Variants in SLMAP observed in about 807,000 individuals in gnomAD.
The protein encoded by SLMAP is sarcolemma associated protein.
A neutral mutation model predicts 128.8 loss-of-function variants in SLMAP; 44 were observed. The ratio of observed to expected loss-of-function variants is 0.34; its 90% CI spans 0.27 to 0.44. The LOEUF (loss-of-function observed/expected upper bound fraction) is 0.44. Among genes scored for constraint, SLMAP ranks in the 20% least tolerant of loss-of-function variants. The probability of loss-of-function intolerance (pLI) is 1.00; values close to 1 mark genes in which losing one functional copy is unlikely to be tolerated. For synonymous variants in SLMAP, 327 were observed against 348.8 expected (o/e 0.94, Z 0.70); for missense variants, 787 against 985.3 (o/e 0.80, Z 2.69).
chr3:57,895,689 T>A (rs1267224671), intron 15 of SLMAP, among the ~76,000 whole-genome samples: 1 of 151,946 alleles, frequency 6.6e-6, no homozygotes, highest in Non-Finnish European at 1.5e-5. Flanking sequence ...TGCCTGTAAT[T>A]CTAGTGCTTT....
chr3:57,930,006 A>T (rs1376989140), downstream of SLMAP, among the ~76,000 whole-genome samples: 1 of 152,224 alleles, frequency 6.6e-6, no homozygotes, highest in Non-Finnish European at 1.5e-5. Flanking sequence ...TGACTCAACC[A>T]TTCAGAATTT....
At chr3:57,760,720 T>TA (rs879442621) in intron 2 of SLMAP, among the ~76,000 whole-genome samples, 145 of 144,022 alleles carry the variant, frequency 1.0e-3, no homozygotes, top group African/African-American at 1.9e-3. Flanking sequence ...CCCTGTCTCT[T>TA]AAAAAAAAAA....
intron 14 of SLMAP, among the ~76,000 whole-genome samples, chr3:57,886,358 C>T (rs1417891864): frequency 1.3e-5 from 2 of 152,060 alleles, no homozygotes; most frequent in Non-Finnish European, 2.9e-5. Flanking sequence ...TTTGGCCTCC[C>T]AATGTGCTGG....
intron 2 of SLMAP, among the ~76,000 whole-genome samples, chr3:57,784,010 A>G (rs2083571647): frequency 6.6e-6 from 1 of 152,074 alleles, no homozygotes; most frequent in Non-Finnish European, 1.5e-5. Flanking sequence ...ACTTGGTGAT[A>G]ATTCTGTCAC....
intron 2 of SLMAP, among the ~76,000 whole-genome samples, chr3:57,782,492 T>G (rs1454149549): frequency 6.6e-6 from 1 of 152,138 alleles, no homozygotes; most frequent in Non-Finnish European, 1.5e-5. Context: ...TCTTCTTTGT[T>G]GAGACGGTCT....
intron 2 of SLMAP, among the ~76,000 whole-genome samples, chr3:57,771,443 C>T (rs988082793): frequency 6.6e-6 from 1 of 152,172 alleles, no homozygotes; most frequent in Admixed American, 6.5e-5. Flanking sequence ...GTTGCCCAGG[C>T]TGGTCTCAAA....
chr3:57,819,915 G>A (rs570937715), intron 2 of SLMAP, among the ~76,000 whole-genome samples: 1 of 152,078 alleles, frequency 6.6e-6, no homozygotes, highest in African/African-American at 2.4e-5. Flanking sequence ...TCACACCCAG[G>A]TAGTTTTTGG....
At chr3:57,774,835 A>G (rs1394049128) in intron 2 of SLMAP, among the ~76,000 whole-genome samples, 1 of 151,460 alleles carries the variant, frequency 6.6e-6, no homozygotes, top group Non-Finnish European at 1.5e-5. Flanking sequence ...ACAGACAATT[A>G]TTTTTAACAT....
chr3:57,830,428 C>T (rs1577191684), intron 2 of SLMAP, among the ~76,000 whole-genome samples: 1 of 152,062 alleles, frequency 6.6e-6, no homozygotes. Context: ...AGAAATTCAG[C>T]GAAAATGTGT....
chr3:57,795,618 TGTAA>T (rs2086552096), intron 2 of SLMAP, among the ~76,000 whole-genome samples: 2 of 152,222 alleles, frequency 1.3e-5, no homozygotes, highest in South Asian at 4.1e-4. Context: ...ATAAATGATT[TGTAA>T]GTATTTTCTC....
At chr3:57,761,839 A>G (rs1233864718) in intron 2 of SLMAP, among the ~76,000 whole-genome samples, 3 of 148,514 alleles carry the variant, frequency 2.0e-5, no homozygotes, top group East Asian at 2.1e-4. Flanking sequence ...TGAGGTCAGG[A>G]GATCGAGACC....
intron 2 of SLMAP, among the ~76,000 whole-genome samples, chr3:57,809,320 G>A (rs376112529): frequency 1.8e-4 from 27 of 152,338 alleles, no homozygotes; most frequent in African/African-American, 6.5e-4. Context: ...TGCTGTTGGC[G>A]CCCATTTGAT....
intron 17 of SLMAP, among the ~76,000 whole-genome samples, chr3:57,907,577 C>A (rs1175859753): frequency 6.6e-6 from 1 of 152,168 alleles, no homozygotes; most frequent in Middle Eastern, 3.2e-3. Flanking sequence ...CACTGAATTT[C>A]AAGTCTTAAT....
chr3:57,861,459 C>T (rs1452768667), intron 9 of SLMAP, among the ~76,000 whole-genome samples: 1 of 152,160 alleles, frequency 6.6e-6, no homozygotes, highest in African/African-American at 2.4e-5. Context: ...AAATGGTAAA[C>T]ATACCTTTCC....
chr3:57,901,655 C>G (rs2096382158), intron 17 of SLMAP: 1 of 152,152 alleles, frequency 6.6e-6, no homozygotes, highest in Non-Finnish European at 1.5e-5. Flanking sequence ...ACAGGACATA[C>G]AACCCAGTTT....
At chr3:57,842,350 T>G (rs1026893564) in intron 4 of SLMAP, among the ~76,000 whole-genome samples, 1 of 152,184 alleles carries the variant, frequency 6.6e-6, no homozygotes, top group African/African-American at 2.4e-5. Context: ...TTTTTCCTTT[T>G]TTTTTGTCCT....
intron 2 of SLMAP, among the ~76,000 whole-genome samples, chr3:57,792,055 T>C (rs1413126605): frequency 1.3e-5 from 2 of 152,118 alleles, no homozygotes; most frequent in Admixed American, 6.6e-5. Flanking sequence ...AAAGAAAATA[T>C]GTGAATTAAG....
At chr3:57,780,187 C>A (rs2082738624) in intron 2 of SLMAP, among the ~76,000 whole-genome samples, 1 of 151,326 alleles carries the variant, frequency 6.6e-6, no homozygotes, top group South Asian at 2.1e-4. Flanking sequence ...TGCTCTGTTG[C>A]CCATGCTGGA....
intron 4 of SLMAP, among the ~76,000 whole-genome samples, chr3:57,843,689 G>A (rs954773094): frequency 4.1e-5 from 6 of 145,382 alleles, no homozygotes; most frequent in Non-Finnish European, 6.0e-5. Context: ...GCCAATAATT[G>A]CCTTCCTTCC....
Sources: gnomAD v4.1 joint callset for allele counts (sites outside exome capture counted in the v4.1 genomes callset) on GRCh38, gnomAD v4.1.1 for gene constraint, MANE v1.5 for transcripts, NCBI Gene and HGNC (gene_info 2026-07-23, HGNC 2026-07-21) for gene names.